NELL1: variants seen among roughly 807,000 people sequenced by gnomAD.
NELL1 encodes the protein protein kinase C-binding protein NELL1.
NELL1 carries 76 observed loss-of-function variants against 107.4 expected under a neutral mutation model. The observed-to-expected ratio is 0.71, with a 90% CI of 0.59 to 0.86. NELL1 has a LOEUF of 0.86. Ranked by LOEUF, NELL1 falls within the 40% of genes least tolerant of loss-of-function variation. NELL1 has a pLI of 0.00. For missense variants in NELL1, 1,024 were observed against 1,005.5 expected (o/e 1.02, Z -0.25); for synonymous variants, 353 against 341.2 (o/e 1.03, Z -0.38).
chr11:20,812,899 T>G (rs1857531398), intron 3 of NELL1, among the ~76,000 whole-genome samples: 1 of 149,524 alleles, frequency 6.7e-6, no homozygotes, highest in South Asian at 2.1e-4. Flanking sequence ...TCCCAGCTAC[T>G]CGGGAGGCTG....
intron 15 of NELL1, among the ~76,000 whole-genome samples, chr11:21,493,933 CTCCTT>C (rs1487193539): frequency 6.6e-6 from 1 of 151,666 alleles, no homozygotes; most frequent in Non-Finnish European, 1.5e-5. Flanking sequence ...TCACAATTTA[CTCCTT>C]TCCCTTATTA....
intron 12 of NELL1, among the ~76,000 whole-genome samples, chr11:21,035,455 C>T (rs1853065969): frequency 6.8e-6 from 1 of 146,492 alleles, no homozygotes; most frequent in African/African-American, 2.5e-5. Flanking sequence ...CCTTGATGAA[C>T]ATTGACGCAA....
At chr11:21,234,404 G>A (rs1354413522) in intron 14 of NELL1, among the ~76,000 whole-genome samples, 4 of 152,162 alleles carry the variant, frequency 2.6e-5, no homozygotes, top group Non-Finnish European at 5.9e-5. Flanking sequence ...TTGCCACTTG[G>A]TATATTCATG....
intron 2 of NELL1, among the ~76,000 whole-genome samples, chr11:20,746,530 G>A (rs994960921): frequency 6.6e-6 from 1 of 151,344 alleles, no homozygotes; most frequent in African/African-American, 2.4e-5. Flanking sequence ...AATAGATAGT[G>A]GTTATGATTA....
chr11:21,122,379 A>G (rs1855388578), intron 13 of NELL1, among the ~76,000 whole-genome samples: 1 of 152,234 alleles, frequency 6.6e-6, no homozygotes, highest in South Asian at 2.1e-4. Flanking sequence ...CATTCAGGTC[A>G]TACAATGAAT....
chr11:20,706,294 A>G lies in NELL1; in HGVS notation c.184+28234A>G, dbSNP rs186161792. Reference sequence around the variant, plus strand: ...AATGTTCAAGAATGATAGACTGGATATAAGAAAATGTGGCATATATACACC... The same window carrying G: ...AATGTTCAAGAATGATAGACTGGATGTAAGAAAATGTGGCATATATACACC... On this transcript the variant is annotated intron_variant, in intron 2 of 19. Coordinates refer to ENST00000357134, the MANE Select transcript of NELL1 (RefSeq NM_006157.5). 2.6e-5 allele frequency among the ~76,000 whole-genome samples: 4 copies of G among 152,214 alleles called. No individual in the cohort carries two copies. The East Asian group carries it at 7.7e-4, about 29-fold the overall frequency.
rs115583142 is a variant in NELL1 at position 20,728,783 on chromosome 11, A to G, written c.184+50723A>G. The stretch of plus-strand genomic sequence containing the variant: ...CTTTTTGCTTAGGATTGCTTTGACT[A>G]TGGGGCTCTATTTTTGGTTCCATGT... On this transcript the variant is annotated intron_variant, in intron 2 of 19. Coordinates refer to ENST00000357134, the MANE Select transcript of NELL1 (RefSeq NM_006157.5). 9.8e-3 allele frequency among the ~76,000 whole-genome samples: 1,496 copies of G among 152,144 alleles called. 29 individuals are homozygous for G. Among genetic ancestry groups the G allele is most frequent in the African/African-American group, 0.034 (1,393 of 41,522 alleles).
At chr11:20,762,347 T>G (rs974641093) in intron 2 of NELL1, among the ~76,000 whole-genome samples, 1 of 152,198 alleles carries the variant, frequency 6.6e-6, no homozygotes, top group Admixed American at 6.5e-5. Context: ...AAAAGCTCTT[T>G]GTACACTGAG....
At chr11:21,160,418 A>G (rs1245727092) in intron 13 of NELL1, among the ~76,000 whole-genome samples, 1 of 152,184 alleles carries the variant, frequency 6.6e-6, no homozygotes, top group African/African-American at 2.4e-5. Context: ...TTCAGAATAG[A>G]AAGGAGTTTT....
intron 13 of NELL1, among the ~76,000 whole-genome samples, chr11:21,148,914 G>C (rs1856047995): frequency 6.6e-6 from 1 of 152,126 alleles, no homozygotes. Context: ...TCTGCATATG[G>C]AAAACTAAGG....
At chr11:20,905,967 G>A (rs2134139377) in intron 5 of NELL1, among the ~76,000 whole-genome samples, 1 of 152,102 alleles carries the variant, frequency 6.6e-6, no homozygotes, top group South Asian at 2.1e-4. Flanking sequence ...AAACTCAAAG[G>A]TATCCACACT....
intron 15 of NELL1, among the ~76,000 whole-genome samples, chr11:21,517,261 A>C (rs926894071): frequency 2.0e-5 from 3 of 152,206 alleles, no homozygotes; most frequent in Non-Finnish European, 2.9e-5. Context: ...GCTCAAGTTC[A>C]ATGAAAACTA....
chr11:21,363,956 A>T (rs1851149425), intron 14 of NELL1, among the ~76,000 whole-genome samples: 1 of 152,032 alleles, frequency 6.6e-6, no homozygotes, highest in Non-Finnish European at 1.5e-5. Flanking sequence ...TATAGTAGAG[A>T]TTTTCTGCAG....
intron 2 of NELL1, among the ~76,000 whole-genome samples, chr11:20,760,073 C>G (rs181667275): frequency 1.3e-5 from 2 of 152,304 alleles, no homozygotes; most frequent in East Asian, 1.9e-4. Context: ...ACTCCCTTTC[C>G]TCTCCCCAGA....
At chr11:21,021,563 T>C (rs1852701706) in intron 12 of NELL1, among the ~76,000 whole-genome samples, 1 of 152,126 alleles carries the variant, frequency 6.6e-6, no homozygotes, top group African/African-American at 2.4e-5. Context: ...TTCATATCTT[T>C]AGAGAAGCAC....
intron 16 of NELL1, among the ~76,000 whole-genome samples, chr11:21,535,712 T>C (rs757092609): frequency 2.5e-4 from 38 of 152,188 alleles, no homozygotes; most frequent in Non-Finnish European, 3.7e-4. Context: ...ATCTGTGAAA[T>C]TGAAATAATG....
chr11:21,483,178 A>G (rs1218698316), intron 15 of NELL1, among the ~76,000 whole-genome samples: 1 of 152,122 alleles, frequency 6.6e-6, no homozygotes, highest in South Asian at 2.1e-4. Flanking sequence ...TGATGGTGCA[A>G]GTCAAGGCCA....
chr11:21,449,637 T>C (rs986993182), intron 15 of NELL1, among the ~76,000 whole-genome samples: 8 of 152,202 alleles, frequency 5.3e-5, no homozygotes, highest in African/African-American at 1.7e-4. Context: ...TCCACAATCA[T>C]GATGAGTTTC....
At chr11:21,184,886 TA>T (rs961638431) in intron 13 of NELL1, among the ~76,000 whole-genome samples, 1 of 151,810 alleles carries the variant, frequency 6.6e-6, no homozygotes, top group Admixed American at 6.5e-5. Flanking sequence ...AATATAATAT[TA>T]AAAAAATTGA....
Sources: allele counts gnomAD v4.1 joint callset (sites outside exome capture counted in the v4.1 genomes callset), GRCh38; gene constraint gnomAD v4.1.1; transcripts MANE v1.5; gene names NCBI Gene and HGNC (gene_info 2026-07-23, HGNC 2026-07-21).